The following R3HDM2 variants were observed in gnomAD, a reference collection of about 807,000 sequenced individuals.
R3HDM2 encodes the protein R3H domain containing 2.
A neutral mutation model predicts 124.5 loss-of-function variants in R3HDM2; 38 were observed. The ratio of observed to expected loss-of-function variants is 0.31; its 90% CI spans 0.24 to 0.40. R3HDM2 has a LOEUF of 0.40. Among genes scored for constraint, R3HDM2 ranks in the 10% least tolerant of loss-of-function variants. The pLI is 1.00. For synonymous variants in R3HDM2, 391 were observed against 448.0 expected, an observed-to-expected ratio of 0.87 and a Z score of 1.61; for missense variants, 869 against 1,236.9, an observed-to-expected ratio of 0.70 and a Z score of 4.46.
chr12:57,349,008 G>A (rs532931615), intron 2 of R3HDM2, among the ~76,000 whole-genome samples: 1 of 152,076 alleles, frequency 6.6e-6, no homozygotes, highest in East Asian at 1.9e-4. Context: ...ATATGTTTCA[G>A]TGAACAAGTT....
intron 1 of R3HDM2, among the ~76,000 whole-genome samples, chr12:57,404,141 CACA>C (rs2068305423): frequency 8.3e-6 from 1 of 121,036 alleles, no homozygotes; most frequent in African/African-American, 3.1e-5. Flanking sequence ...CTTGGCTCAC[CACA>C]ACCTCTGCCT....
At position 57,366,890 on chromosome 12, in the gene R3HDM2, C is replaced by A. The variant is rs138734900; in HGVS notation, c.-36+28859G>T. On this transcript the variant is annotated intron_variant, in intron 2 of 23. Coordinates refer to ENST00000402412, the MANE Select transcript of R3HDM2 (RefSeq NM_001394031.1). ...TATTTTTAGTAGAGACAGGGTTTCA[C>A]TGTGTTACCCAGGATGGTCTCGATC... Among the ~76,000 whole-genome samples the A allele has an allele frequency of 2.2e-3, 328 of 152,096 alleles. 1 individual carries two copies. The highest frequency in any genetic ancestry group is 7.1e-3 in the African/African-American group (295 of 41,488).
Position 57,362,965 on chromosome 12 carries a change from C to T in R3HDM2, c.-36+32784G>A, listed in dbSNP as rs577323181. ...CCTCCTGAGTAGCTGGGACTACAGG[C>T]GCATGCCACCATGCCCAGCTAGTTT... On this transcript the variant is annotated intron_variant, in intron 2 of 23. Transcript: ENST00000402412. 2.6e-5 allele frequency among the ~76,000 whole-genome samples: 4 copies of T among 152,210 alleles called. No homozygotes were observed. In the South Asian group the frequency reaches 6.2e-4, roughly 24 times the overall value.
chr12:57,395,580 C>A (rs2067391444), intron 2 of R3HDM2, among the ~76,000 whole-genome samples, 169 bp downstream of exon 2: 1 of 152,110 alleles, frequency 6.6e-6, no homozygotes, highest in Non-Finnish European at 1.5e-5. Flanking sequence ...TCGCCTGGCA[C>A]TGAACTCACT....
chr12:57,304,414 G>T, intron 3 of R3HDM2: 4 of 728,436 alleles, frequency 5.5e-6, no homozygotes, highest in Non-Finnish European at 6.7e-6. Context: ...CTCCAATGGG[G>T]CGTAGAGGGA....
chr12:57,363,401 T>C (rs1179550906), intron 2 of R3HDM2, among the ~76,000 whole-genome samples: 2 of 152,174 alleles, frequency 1.3e-5, no homozygotes, highest in Non-Finnish European at 2.9e-5. Flanking sequence ...AAAGAAACCT[T>C]ATACTCATTA....
chr12:57,427,444 G>A (rs2139710863), intron 1 of R3HDM2, among the ~76,000 whole-genome samples: 1 of 150,790 alleles, frequency 6.6e-6, no homozygotes, highest in Non-Finnish European at 1.5e-5. Context: ...CAGCCTCCCA[G>A]GTTCAAGCCA....
In R3HDM2 at chr12:57,254,659, C is replaced by A; in HGVS notation, c.*114G>T. 1 of 914,926 alleles carries A rather than the reference C, an allele frequency of 1.1e-6. No homozygotes were observed. The highest frequency in any genetic ancestry group is 1.6e-6 in the Non-Finnish European group (1 of 621,128). The allele number at this position is 914,926 out of a possible 1,614,324, so 56.7% of individuals were successfully genotyped here. ...CCATCTTCATCACTGTCTTAGGTTC[C>A]AGTTTAACATCAGTTTCCTTACTTC... On this transcript the variant is annotated 3_prime_UTR_variant, in exon 24 of 24. Transcript: ENST00000402412.
At chr12:57,257,166 C>G (rs2039313924) in intron 21 of R3HDM2, among the ~76,000 whole-genome samples, 1 of 152,080 alleles carries the variant, frequency 6.6e-6, no homozygotes, top group South Asian at 2.1e-4. Context: ...ACCCAGGGTT[C>G]AAGTTTCTGA....
chr12:57,384,084 G>C (rs1239358798), intron 2 of R3HDM2, among the ~76,000 whole-genome samples: 1 of 152,082 alleles, frequency 6.6e-6, no homozygotes, highest in African/African-American at 2.4e-5. Context: ...GAAACAGGCC[G>C]GGCGCAGTGG....
At chr12:57,280,246 T>G in intron 14 of R3HDM2, 112 bp downstream of exon 14, 3 of 1,114,882 alleles carry the variant, frequency 2.7e-6, no homozygotes, top group Non-Finnish European at 3.7e-6. Flanking sequence ...GAGAGTGGCA[T>G]GTCTCCAAAA....
At chr12:57,429,550 C>T (rs1869105440) in intron 1 of R3HDM2, among the ~76,000 whole-genome samples, 1 of 151,954 alleles carries the variant, frequency 6.6e-6, no homozygotes, top group African/African-American at 2.4e-5. Context: ...AGGTGAAACC[C>T]GTCTCTACAA....
intron 2 of R3HDM2, among the ~76,000 whole-genome samples, chr12:57,340,580 A>G (rs1387636102): frequency 6.6e-6 from 1 of 152,198 alleles, no homozygotes; most frequent in East Asian, 1.9e-4. Flanking sequence ...AATATAATTG[A>G]ACTATCATAG....
chr12:57,314,936 C>T (rs1017299832), intron 2 of R3HDM2, among the ~76,000 whole-genome samples: 1 of 152,190 alleles, frequency 6.6e-6, no homozygotes. Context: ...TGGCCCACTT[C>T]AGCCTCAACC....
intron 13 of R3HDM2, 32 bp downstream of exon 13, chr12:57,283,792 G>C: frequency 6.3e-7 from 1 of 1,592,688 alleles, no homozygotes; most frequent in Non-Finnish European, 8.6e-7. Context: ...AGAAGGGATG[G>C]GTATGACATG....
rs1435392574 is a variant in R3HDM2 at position 57,282,203 on chromosome 12, C to T, written c.1171+1621G>A. On this transcript the variant is annotated intron_variant, in intron 13 of 23. Coordinates refer to ENST00000402412, the MANE Select transcript of R3HDM2 (RefSeq NM_001394031.1). Reference sequence around the variant, plus strand: ...GCGGGTGCCTGTGATCACAGCTACTCGAAAGGCTGAGGCAGGAGAATCGCT... The same window carrying T: ...GCGGGTGCCTGTGATCACAGCTACTTGAAAGGCTGAGGCAGGAGAATCGCT... Among the ~76,000 whole-genome samples the T allele has an allele frequency of 3.3e-5, 5 of 150,696 alleles. No individual in the cohort carries two copies. In the East Asian group the frequency reaches 7.8e-4, roughly 24 times the overall value.
intron 15 of R3HDM2, 125 bp from the exon 16 acceptor site, chr12:57,269,574 A>G: frequency 6.8e-7 from 1 of 1,462,536 alleles, no homozygotes; most frequent in African/African-American, 1.4e-5. Flanking sequence ...TGGACCTGCA[A>G]TTGCAGTAAA....
Position 57,283,886 on chromosome 12 carries a change from A to G in R3HDM2, c.1109T>C (p.Leu370Pro). 5 of 1,614,176 alleles carry G rather than the reference A, an allele frequency of 3.1e-6. No homozygotes were observed. Among genetic ancestry groups the G allele is most frequent in the Non-Finnish European group, 3.4e-6 (4 of 1,180,032 alleles). The change falls in exon 13 of 24, where the codon CTT becomes CCT. Residue 370 changes from leucine (L) to proline (P), a missense_variant. Transcript: ENST00000402412. ...KASSFSGISI[L>P]TRGDSIGSSK... ...GCTGCCGATGCTGTCACCTCGGGTA[A>G]GGATAGAGATTCCACTGAAGCTGCT...
chr12:57,417,431 T>C (rs2069750613), intron 1 of R3HDM2, among the ~76,000 whole-genome samples: 1 of 151,948 alleles, frequency 6.6e-6, no homozygotes, highest in Admixed American at 6.6e-5. Context: ...ACTGGGTTTA[T>C]ATCCTGGCCA....
Sources: allele counts gnomAD v4.1 joint callset (sites outside exome capture counted in the v4.1 genomes callset), GRCh38; gene constraint gnomAD v4.1.1; transcripts MANE v1.5; gene names NCBI Gene and HGNC (gene_info 2026-07-23, HGNC 2026-07-21).